Variants in INTS9 observed in about 807,000 individuals in gnomAD.
INTS9 encodes protein related to CPSF subunits of 74 kDa.
In INTS9, 55 loss-of-function variants were observed where a neutral mutation model predicts 79.7. The ratio of observed to expected loss-of-function variants is 0.69; its 90% CI spans 0.56 to 0.86. The LOEUF is 0.86. Ranked by LOEUF, INTS9 falls within the 40% of genes least tolerant of loss-of-function variation. INTS9 has a pLI of 0.00. For synonymous variants in INTS9, 319 were observed against 325.2 expected (o/e 0.98, Z 0.20); for missense variants, 721 against 831.5 (o/e 0.87, Z 1.64).
intron 12 of INTS9, chr8:28,780,418 G>A (rs1404975034): frequency 2.0e-6 from 2 of 983,808 alleles, no homozygotes. Flanking sequence ...TTTTTCCCCT[G>A]AGGGATTTGT....
chr8:28,783,900 A>G (rs1327334746), intron 11 of INTS9: 2 of 152,232 alleles, frequency 1.3e-5, no homozygotes, highest in Non-Finnish European at 1.5e-5. Flanking sequence ...GATTCTAAGA[A>G]TAGCAGCAGG....
intron 4 of INTS9, among the ~76,000 whole-genome samples, chr8:28,843,724 T>C (rs1445418005): frequency 6.6e-6 from 1 of 151,900 alleles, no homozygotes; most frequent in Non-Finnish European, 1.5e-5. Flanking sequence ...CTTTTCTTCT[T>C]CCTTTTTCTT....
intron 2 of INTS9, among the ~76,000 whole-genome samples, chr8:28,854,496 T>C (rs1418492151): frequency 6.6e-6 from 1 of 152,122 alleles, no homozygotes; most frequent in Non-Finnish European, 1.5e-5. Context: ...AGAGGAGATC[T>C]TTCAAGAAGA....
chr8:28,828,057 C>T (rs1041792555), intron 6 of INTS9, among the ~76,000 whole-genome samples: 4 of 152,162 alleles, frequency 2.6e-5, no homozygotes, highest in African/African-American at 7.2e-5. Flanking sequence ...GTGATTACTC[C>T]GTCAAAGCAC....
chr8:28,773,773 C>T (rs1802711336), intron 14 of INTS9, among the ~76,000 whole-genome samples: 1 of 151,998 alleles, frequency 6.6e-6, no homozygotes, highest in African/African-American at 2.4e-5. Context: ...TCACCCCCGC[C>T]TCAGCCTCCT....
chr8:28,780,032 T>C (rs1043980783), intron 12 of INTS9, among the ~76,000 whole-genome samples: 1 of 149,684 alleles, frequency 6.7e-6, no homozygotes, highest in African/African-American at 2.4e-5. Context: ...TGCTGCAAGC[T>C]GGGCCAGATT....
chr8:28,838,880 C>T (rs1412054576), intron 4 of INTS9, among the ~76,000 whole-genome samples: 1 of 152,150 alleles, frequency 6.6e-6, no homozygotes, highest in East Asian at 1.9e-4. Flanking sequence ...AGCACTTTGT[C>T]CTGTGTGACT....
rs1158612514 is a variant in INTS9, at chr8:28,816,602, C to T, written c.489-2990G>A. Among the ~76,000 whole-genome samples the T allele has an allele frequency of 6.1e-3, 905 of 149,340 alleles. 6 individuals are homozygous for T. Among genetic ancestry groups the T allele is most frequent in the African/African-American group, 0.022 (867 of 39,932 alleles). ...AAGTCTTTGCTATTGTGAATAGTGC[C>T]GCAATAAACATACGTGTGCATGTGT... is the stretch of plus-strand genomic sequence containing the variant. On this transcript the variant is annotated intron_variant, in intron 6 of 16. Transcript: ENST00000521022.
At chr8:28,807,249 A>G (rs1162937533) in intron 8 of INTS9, among the ~76,000 whole-genome samples, 1 of 152,178 alleles carries the variant, frequency 6.6e-6, no homozygotes, top group Non-Finnish European at 1.5e-5. Context: ...CCCAGAAAAT[A>G]TAGTTCAATA....
intron 15 of INTS9, among the ~76,000 whole-genome samples, chr8:28,770,256 C>A (rs969872534): frequency 7.2e-5 from 11 of 152,244 alleles, no homozygotes; most frequent in Admixed American, 3.3e-4. Flanking sequence ...AAGATCTCTG[C>A]CTTCTATCAA....
chr8:28,880,143 A>C (rs1809623100), intron 1 of INTS9, among the ~76,000 whole-genome samples: 1 of 152,200 alleles, frequency 6.6e-6, no homozygotes, highest in Non-Finnish European at 1.5e-5. Context: ...GCTGGAAAAA[A>C]ATAGAGGAAA....
chr8:28,816,126 G>A (rs1045088703), intron 6 of INTS9, among the ~76,000 whole-genome samples: 1 of 151,402 alleles, frequency 6.6e-6, no homozygotes, highest in African/African-American at 2.4e-5. Flanking sequence ...TAGCAAAACT[G>A]ACTTTCTTTT....
At chr8:28,851,505 TC>T (rs1458132015) in intron 2 of INTS9, among the ~76,000 whole-genome samples, 1 of 150,742 alleles carries the variant, frequency 6.6e-6, no homozygotes, top group African/African-American at 2.5e-5. Flanking sequence ...TGGTGCAATC[TC>T]GGCTCACTGC....
chr8:28,828,907 T>G (rs937874247), intron 6 of INTS9, among the ~76,000 whole-genome samples: 2 of 152,158 alleles, frequency 1.3e-5, no homozygotes, highest in Non-Finnish European at 2.9e-5. Context: ...GGTCTTGAAC[T>G]CCTGACCTCA....
At chr8:28,867,890 GC>G (rs1808851040) in intron 1 of INTS9, among the ~76,000 whole-genome samples, 1 of 152,082 alleles carries the variant, frequency 6.6e-6, no homozygotes, top group Admixed American at 6.6e-5. Flanking sequence ...TCCCAAGAAT[GC>G]CATGAGGTAG....
At chr8:28,832,487 C>T (rs1038111829) in intron 6 of INTS9, among the ~76,000 whole-genome samples, 54 of 152,314 alleles carry the variant, frequency 3.5e-4, no homozygotes, top group Middle Eastern at 3.4e-3. Flanking sequence ...GCGGCTGACA[C>T]GCACATGAGA....
chr8:28,812,776 G>A (rs954251937), intron 7 of INTS9, among the ~76,000 whole-genome samples: 2 of 152,168 alleles, frequency 1.3e-5, no homozygotes, highest in African/African-American at 4.8e-5. Context: ...ACTGGAGCCC[G>A]GGAAGTTGAG....
chr8:28,829,432 G>C (rs1251231465), intron 6 of INTS9, among the ~76,000 whole-genome samples: 1 of 152,180 alleles, frequency 6.6e-6, no homozygotes, highest in African/African-American at 2.4e-5. Context: ...GAGGCAGGAA[G>C]TTACACAGCT....
At chr8:28,820,945 C>T (rs1805794438) in intron 6 of INTS9, among the ~76,000 whole-genome samples, 1 of 152,156 alleles carries the variant, frequency 6.6e-6, no homozygotes, top group Admixed American at 6.6e-5. Context: ...AATATGTATG[C>T]TCTGTTCTCC....
Sources: gnomAD v4.1 joint callset for allele counts (sites outside exome capture counted in the v4.1 genomes callset) on GRCh38, gnomAD v4.1.1 for gene constraint, MANE v1.5 for transcripts, NCBI Gene and HGNC (gene_info 2026-07-23, HGNC 2026-07-21) for gene names.